Variants in PAIP1 observed in about 807,000 individuals in gnomAD.
PAIP1 encodes the protein polyadenylate-binding protein-interacting protein 1.
Under a neutral mutation model 61.3 loss-of-function variants are expected in PAIP1, and 16 were observed. The ratio of observed to expected loss-of-function variants is 0.26; its 90% CI spans 0.18 to 0.40. PAIP1 has a LOEUF of 0.40. Ranked by LOEUF, PAIP1 falls within the 10% of genes least tolerant of loss-of-function variation. The pLI is 1.00. For synonymous variants in PAIP1, 187 were observed against 226.2 expected, an observed-to-expected ratio of 0.83 and a Z score of 1.56; for missense variants, 416 against 600.9, an observed-to-expected ratio of 0.69 and a Z score of 3.22.
chr5:43,528,713 T>TA (rs1746804138), intron 10 of PAIP1, among the ~76,000 whole-genome samples: 3 of 151,796 alleles, frequency 2.0e-5, no homozygotes, highest in Non-Finnish European at 1.5e-5. Context: ...GTTCACTTTT[T>TA]TAAAAAAATC....
intron 5 of PAIP1, among the ~76,000 whole-genome samples, chr5:43,537,553 T>C (rs185161326): frequency 9.2e-5 from 14 of 152,326 alleles, no homozygotes; most frequent in South Asian, 4.1e-4. Flanking sequence ...GGACTGGACA[T>C]AGACCTTTTA....
chr5:43,533,064 G>A (rs1747006165), intron 9 of PAIP1, among the ~76,000 whole-genome samples: 1 of 152,204 alleles, frequency 6.6e-6, no homozygotes, highest in Admixed American at 6.5e-5. Context: ...CCCATAGCGT[G>A]TAACTTAATT....
intron 1 of PAIP1, 160 bp downstream of exon 1, chr5:43,556,422 T>C (rs1293339499): frequency 2.5e-6 from 3 of 1,216,892 alleles, no homozygotes; most frequent in African/African-American, 3.1e-5. Context: ...CCAAACCCGG[T>C]TCCGGGCCCG....
chr5:43,538,666 A>G (rs561948571), intron 5 of PAIP1, among the ~76,000 whole-genome samples: 16 of 152,368 alleles, frequency 1.1e-4, no homozygotes, highest in African/African-American at 3.4e-4. Context: ...TTAAATTTGC[A>G]TGTAAACCAC....
At chr5:43,535,985 TA>T (rs1554039831) in intron 6 of PAIP1, among the ~76,000 whole-genome samples, 246 of 116,172 alleles carry the variant, frequency 2.1e-3, no homozygotes, top group African/African-American at 8.5e-3. Flanking sequence ...AAGCTTTGAA[TA>T]AAAAAAAAAA....
rs35862047 is a variant in PAIP1 at position 43,536,802 on chromosome 5, TA to T, written c.972+16del. 38,381 of 1,048,740 alleles carry T rather than the reference TA, an allele frequency of 0.037. 348 individuals are homozygous for T. The highest frequency in any genetic ancestry group is 0.17 in the East Asian group (5,445 of 32,506). The allele number at this position is 1,048,740 out of a possible 1,614,324, so 65.0% of individuals were successfully genotyped here. On this transcript the variant is annotated intron_variant, in intron 6 of 10. Transcript: ENST00000306846. ...AAGTAAATACGTAAATTAGTTAAAT[TA>T]AAAAAAAAAACCTACCTTTAACAAT... is the stretch of plus-strand genomic sequence containing the variant.
At chr5:43,543,310 C>CAAAAAAAAAAAAAAAAAAAAAAAA (rs11427976) in intron 3 of PAIP1, among the ~76,000 whole-genome samples, 194 bp from the exon 4 acceptor site, 1 of 96,042 alleles carries the variant, frequency 1.0e-5, no homozygotes, top group Non-Finnish European at 2.0e-5. Flanking sequence ...ACAATAAGTA[C>CAAAAAAAAAAAAAAAAAAAAAAAA]AAAAAAAAAA....
chr5:43,543,310 CAAAA>C (rs11427976), intron 3 of PAIP1, among the ~76,000 whole-genome samples, 194 bp from the exon 4 acceptor site: 1 of 96,044 alleles, frequency 1.0e-5, no homozygotes, highest in African/African-American at 5.1e-5. Context: ...ACAATAAGTA[CAAAA>C]AAAAAAAAAA....
At chr5:43,547,042 CAAA>C (rs766493987) in intron 3 of PAIP1, among the ~76,000 whole-genome samples, 5 of 35,656 alleles carry the variant, frequency 1.4e-4, no homozygotes, top group African/African-American at 4.1e-4. Flanking sequence ...GACTCCATAT[CAAA>C]AAAAAAAAAA....
intron 4 of PAIP1, among the ~76,000 whole-genome samples, chr5:43,542,769 A>G (rs2112403085): frequency 6.6e-6 from 1 of 152,342 alleles, no homozygotes. Context: ...AGAATTACAT[A>G]AGTGTTTATT....
chr5:43,540,511 A>G (rs777894995), intron 4 of PAIP1, among the ~76,000 whole-genome samples: 4 of 152,256 alleles, frequency 2.6e-5, no homozygotes, highest in Non-Finnish European at 5.9e-5. Flanking sequence ...ATTTTCAATT[A>G]TAAAAGCAAT....
At chr5:43,543,310 C>CAAAAAAAAAAAAAAAAAAAAAAAAAAAA in intron 3 of PAIP1, among the ~76,000 whole-genome samples, 194 bp from the exon 4 acceptor site, 1 of 96,044 alleles carries the variant, frequency 1.0e-5, no homozygotes, top group Non-Finnish European at 2.0e-5. Context: ...ACAATAAGTA[C>CAAAAAAAAAAAAAAAAAAAAAAAAAAAA]AAAAAAAAAA....
At chr5:43,528,708 CTT>C (rs569415122) in intron 10 of PAIP1, among the ~76,000 whole-genome samples, 1 of 152,002 alleles carries the variant, frequency 6.6e-6, no homozygotes, top group African/African-American at 2.4e-5. Context: ...AAGTGGTTCA[CTT>C]TTTTAAAAAA....
In PAIP1 at chr5:43,539,468, C is replaced by T. The variant is rs1029442228; in HGVS notation, c.735-433G>A. On this transcript the variant is annotated intron_variant, in intron 4 of 10. Coordinates refer to ENST00000306846, the MANE Select transcript of PAIP1 (RefSeq NM_006451.5). ...ATCTTTAAATACACACACACACACA[C>T]ACACACACACACACACACAACCTCC... Among the ~76,000 whole-genome samples, 339 of 151,766 alleles carry T rather than the reference C, an allele frequency of 2.2e-3. 8 individuals are homozygous for T. In the East Asian group the frequency reaches 0.058, roughly 26 times the overall value.
chr5:43,535,100 T>C, intron 7 of PAIP1, 130 bp from the exon 8 acceptor site: 2 of 637,258 alleles, frequency 3.1e-6, no homozygotes, highest in Non-Finnish European at 5.6e-6. Context: ...TTTCTAGACG[T>C]TTCCTATATG....
intron 2 of PAIP1, 24 bp from the exon 3 acceptor site, chr5:43,547,937 AATT>A: frequency 6.5e-7 from 1 of 1,530,704 alleles, no homozygotes; most frequent in Non-Finnish European, 9.0e-7. Flanking sequence ...ATGAAAAAAC[AATT>A]TTAATCTATG....
At chr5:43,531,656 C>CAAAAAAAAATAAAAAAAAAAAAAAAAA (rs1746937204) in intron 9 of PAIP1, among the ~76,000 whole-genome samples, 1 of 59,868 alleles carries the variant, frequency 1.7e-5, no homozygotes, top group Non-Finnish European at 3.4e-5. Context: ...GACTCTGTCT[C>CAAAAAAAAATAAAAAAAAAAAAAAAAA]AAAAAAAAAA....
At chr5:43,551,767 T>G (rs1192701952) in intron 2 of PAIP1, among the ~76,000 whole-genome samples, 2 of 127,342 alleles carry the variant, frequency 1.6e-5, no homozygotes, top group African/African-American at 6.3e-5. Context: ...TTTTTTAAAG[T>G]CAACAGAACT....
chr5:43,548,811 T>C (rs770453488), intron 2 of PAIP1, among the ~76,000 whole-genome samples: 1 of 152,030 alleles, frequency 6.6e-6, no homozygotes, highest in Non-Finnish European at 1.5e-5. Flanking sequence ...AAAAGCCACA[T>C]AAAAAAGTTA....
Sources: gnomAD v4.1 joint callset for allele counts (sites outside exome capture counted in the v4.1 genomes callset) on GRCh38, gnomAD v4.1.1 for gene constraint, MANE v1.5 for transcripts, NCBI Gene and HGNC (gene_info 2026-07-23, HGNC 2026-07-21) for gene names.